CSMD3: variants seen among roughly 807,000 people sequenced by gnomAD.
CSMD3 encodes CUB and sushi domain-containing protein 3.
CSMD3 carries 177 observed loss-of-function variants against 435.2 expected under a neutral mutation model. The observed-to-expected ratio is 0.41, with a 90% confidence interval of 0.36 to 0.46. CSMD3 has a LOEUF of 0.46. CSMD3 is among the 20% of genes least tolerant of loss of function. The pLI is 0.34. For synonymous variants in CSMD3, 1,656 were observed against 1,520.5 expected (o/e 1.09, Z -2.07); for missense variants, 4,265 against 4,504.6 (o/e 0.95, Z 1.52).
At chr8:112,319,729 T>C (rs1477784849) in intron 46 of CSMD3, among the ~76,000 whole-genome samples, 172 bp downstream of exon 46, 1 of 152,182 alleles carries the variant, frequency 6.6e-6, no homozygotes, top group African/African-American at 2.4e-5. Context: ...TCTCTAATAA[T>C]CCCTTTCCTC....
chr8:113,235,049 G>A (rs1244588173), intron 3 of CSMD3, among the ~76,000 whole-genome samples: 1 of 152,074 alleles, frequency 6.6e-6, no homozygotes, highest in Non-Finnish European at 1.5e-5. Context: ...TTCATGGGAG[G>A]TGCAGGAGCT....
chr8:112,875,000 T>G (rs537112481), intron 10 of CSMD3, among the ~76,000 whole-genome samples: 1 of 152,298 alleles, frequency 6.6e-6, no homozygotes, highest in Non-Finnish European at 1.5e-5. Context: ...TTGATGCAGT[T>G]TCTTCATAGT....
At chr8:113,195,814 T>TAC (rs1015240509) in intron 3 of CSMD3, among the ~76,000 whole-genome samples, 2,467 of 133,338 alleles carry the variant, frequency 0.019, 28 homozygotes, top group Middle Eastern at 0.11. Context: ...TATATATATA[T>TAC]ACACACACAC....
chr8:112,254,435 A>G (rs1815594985), intron 62 of CSMD3, 109 bp from the exon 63 acceptor site: 1 of 783,902 alleles, frequency 1.3e-6, no homozygotes, highest in Admixed American at 1.8e-5. Context: ...AGGATCTAGG[A>G]AATAATAAAT....
At chr8:112,249,100 C>T (rs1489154741) in intron 63 of CSMD3, among the ~76,000 whole-genome samples, 1 of 152,086 alleles carries the variant, frequency 6.6e-6, no homozygotes, top group Admixed American at 6.6e-5. Flanking sequence ...CAAACCAGTT[C>T]TACAAAATCC....
rs552181447 is a variant in CSMD3 at position 113,025,927 on chromosome 8, A to G, written c.918-6748T>C. Among the ~76,000 whole-genome samples the G allele has an allele frequency of 9.2e-5, 14 of 152,246 alleles. No individual in the cohort carries two copies. In the East Asian group the frequency reaches 2.7e-3, roughly 29 times the overall value. ...GCAGCCATCTGTGTGAGTGTAGTGG[A>G]ATGTCAGTAGCACATCACGATGGAT... On this transcript the variant is annotated intron_variant, in intron 5 of 70. Transcript: ENST00000297405.
Position 112,619,472 on chromosome 8 carries a change from T to C in CSMD3, c.3715+17345A>G, listed in dbSNP as rs187124719. Among the ~76,000 whole-genome samples the C allele has an allele frequency of 3.9e-5, 6 of 152,234 alleles. No homozygotes were observed. The East Asian group carries it at 1.2e-3, about 29-fold the overall frequency. On this transcript the variant is annotated intron_variant, in intron 22 of 70. Transcript: ENST00000297405. The stretch of plus-strand genomic sequence containing the variant: ...TAACTACTATTTCATACATTTTCTC[T>C]TCTCTAAGATTCAATGTTTCCTTCT...
At chr8:112,630,942 T>TCACACACACA (rs5894090) in intron 22 of CSMD3, among the ~76,000 whole-genome samples, 54 of 140,590 alleles carry the variant, frequency 3.8e-4, no homozygotes, top group East Asian at 1.7e-3. Context: ...ACATCAGTAT[T>TCACACACACA]CACACACACA....
At chr8:112,570,634 A>G (rs951130437) in intron 24 of CSMD3, among the ~76,000 whole-genome samples, 2 of 142,420 alleles carry the variant, frequency 1.4e-5, no homozygotes, top group African/African-American at 4.9e-5. Context: ...GTGGGTAACT[A>G]TTTAGATAGT....
intron 38 of CSMD3, among the ~76,000 whole-genome samples, chr8:112,377,316 C>T (rs1829037170): frequency 6.6e-6 from 1 of 151,824 alleles, no homozygotes; most frequent in African/African-American, 2.4e-5. Flanking sequence ...AACATAAAAT[C>T]TACATGGACC....
chr8:112,504,097 C>G, intron 29 of CSMD3, 120 bp from the exon 30 acceptor site: 1 of 604,210 alleles, frequency 1.7e-6, no homozygotes, highest in Admixed American at 3.4e-5. Context: ...TAATAAAAGA[C>G]GCTGTCAAAA....
intron 63 of CSMD3, among the ~76,000 whole-genome samples, chr8:112,251,705 G>A (rs572286818): frequency 1.4e-4 from 21 of 151,590 alleles, no homozygotes; most frequent in South Asian, 8.3e-4. Context: ...CTAAAGAGCC[G>A]GATTAAAAAC....
chr8:113,384,305 A>G (rs906193887), intron 1 of CSMD3, among the ~76,000 whole-genome samples: 1 of 152,206 alleles, frequency 6.6e-6, no homozygotes, highest in African/African-American at 2.4e-5. Flanking sequence ...AATATGTTTA[A>G]TAAATGAATT....
At chr8:112,533,119 A>T (rs1287547084) in intron 27 of CSMD3, among the ~76,000 whole-genome samples, 1 of 152,050 alleles carries the variant, frequency 6.6e-6, no homozygotes. Context: ...CTTATAATAG[A>T]GAAAGTAAAA....
At chr8:113,352,452 AC>A in intron 1 of CSMD3, among the ~76,000 whole-genome samples, 1 of 152,198 alleles carries the variant, frequency 6.6e-6, no homozygotes, top group Middle Eastern at 3.4e-3. Flanking sequence ...TTGACTTCAG[AC>A]TTGGCCTCCA....
chr8:112,887,915 A>C (rs1452043251), intron 10 of CSMD3, among the ~76,000 whole-genome samples: 1 of 151,722 alleles, frequency 6.6e-6, no homozygotes, highest in African/African-American at 2.4e-5. Context: ...AAATGTTTAC[A>C]TAATGCCTTC....
At chr8:112,517,320 G>T (rs1440375102) in intron 27 of CSMD3, 95 bp from the exon 28 acceptor site, 16 of 880,426 alleles carry the variant, frequency 1.8e-5, no homozygotes. Context: ...TTAAAATTTT[G>T]GGGTCAATTT....
chr8:112,383,720 A>G (rs942814177), intron 36 of CSMD3, 57 bp from the exon 37 acceptor site: 1 of 1,010,096 alleles, frequency 9.9e-7, no homozygotes, highest in African/African-American at 1.6e-5. Flanking sequence ...ACACATAACT[A>G]TAGTCCACCA....
chr8:112,951,518 T>C (rs935232453), intron 8 of CSMD3, among the ~76,000 whole-genome samples: 1 of 151,820 alleles, frequency 6.6e-6, no homozygotes, highest in Non-Finnish European at 1.5e-5. Flanking sequence ...TTTCAACTTA[T>C]AATATCAAGT....
Sources: gnomAD v4.1 joint callset for allele counts (sites outside exome capture counted in the v4.1 genomes callset) on GRCh38, gnomAD v4.1.1 for gene constraint, MANE v1.5 for transcripts, NCBI Gene and HGNC (gene_info 2026-07-23, HGNC 2026-07-21) for gene names.